Variants in CCL7 observed in about 807,000 individuals in gnomAD.
The protein encoded by CCL7 is C-C motif chemokine 7.
A neutral mutation model predicts 7.1 loss-of-function variants in CCL7; 8 were observed. That is an observed-to-expected ratio of 1.13 (90% CI 0.66 to 2.04). The LOEUF is 2.04. CCL7 is among the 30% of genes most tolerant of loss of function. The pLI is 0.00. For synonymous variants in CCL7, 46 were observed against 41.2 expected (o/e 1.12, Z -0.45); for missense variants, 134 against 113.6 (o/e 1.18, Z -0.82).
In CCL7 at chr17:34,271,883, T is replaced by C; in HGVS notation, c.*81T>C. 1.3e-6 allele frequency: 1 copy of C among 795,744 alleles called. No individual in the cohort carries two copies. The highest frequency in any genetic ancestry group is 2.1e-6 in the Non-Finnish European group (1 of 482,182). The allele number at this position is 795,744 out of a possible 1,614,324, so 49.3% of individuals were successfully genotyped here. On this transcript the variant is annotated 3_prime_UTR_variant, in exon 3 of 3. Coordinates refer to ENST00000378569, the MANE Select transcript of CCL7 (RefSeq NM_006273.4). The stretch of plus-strand genomic sequence containing the variant: ...ACCCTGTCCTTTCTCAGAGTGGTTC[T>C]GAGATTATTTTAATCTAATTCTAAG...
At chr17:34,271,613 A>T in intron 2 of CCL7, 84 bp from the exon 3 acceptor site, 1 of 858,980 alleles carries the variant, frequency 1.2e-6, no homozygotes, top group Non-Finnish European at 1.9e-6. Flanking sequence ...CTGATGGGCT[A>T]GACAGATTTC....
At chr17:34,271,645 C>G in intron 2 of CCL7, 52 bp from the exon 3 acceptor site, 1 of 1,225,358 alleles carries the variant, frequency 8.2e-7, no homozygotes, top group Non-Finnish European at 1.2e-6. Context: ...GTCACACTCC[C>G]AGGCTGAACC....
At chr17:34,271,396 A>G in intron 2 of CCL7, 133 bp downstream of exon 2, 1 of 751,056 alleles carries the variant, frequency 1.3e-6, no homozygotes, top group South Asian at 1.9e-5. Context: ...CTTATCCCAG[A>G]CATTTGCCAG....
rs1211541650 is a variant in CCL7 at position 34,271,734 on chromosome 17, C to A, written c.232C>A (p.Pro78Thr). 2 of 1,612,784 alleles carry A rather than the reference C, an allele frequency of 1.2e-6. No homozygotes were observed. The highest frequency in any genetic ancestry group is 4.5e-5 in the East Asian group (2 of 44,858). ...ACTGGACAAGGAGATCTGTGCTGAC[C>A]CCACACAGAAGTGGGTCCAGGACTT... ...TKLDKEICAD[P>T]TQKWVQDFMK... The change falls in exon 3 of 3, where the codon CCC becomes ACC. Residue 78 changes from proline (P) to threonine (T), a missense_variant. Coordinates refer to ENST00000378569, the MANE Select transcript of CCL7 (RefSeq NM_006273.4).
chr17:34,270,629 C>A (rs575780916), intron 1 of CCL7, among the ~76,000 whole-genome samples: 1 of 152,304 alleles, frequency 6.6e-6, no homozygotes, highest in East Asian at 1.9e-4. Context: ...GTTACCACTC[C>A]AGCTGCTTCC....
chr17:34,270,500 G>A (rs1259601519), intron 1 of CCL7, 134 bp downstream of exon 1: 1 of 711,276 alleles, frequency 1.4e-6, no homozygotes, highest in Admixed American at 2.8e-5. Context: ...TTAGAAAAAG[G>A]ATAAGGGGTG....
At chr17:34,271,284 C>T (rs374240808) in intron 2 of CCL7, 21 bp downstream of exon 2, 23 of 1,585,400 alleles carry the variant, frequency 1.5e-5, no homozygotes, top group Non-Finnish European at 1.9e-5. Context: ...GATGACCACC[C>T]ACCCCTCACA....
chr17:34,270,978 G>A (rs1908119052), intron 1 of CCL7, 168 bp from the exon 2 acceptor site: 1 of 1,411,420 alleles, frequency 7.1e-7, no homozygotes. Flanking sequence ...GTGAAAGGGA[G>A]TTTATGAAAT....
At position 34,271,719 on chromosome 17, in the gene CCL7, G is replaced by C. The variant is rs1283074853; in HGVS notation, c.217G>C (p.Glu73Gln). ...AVIFKTKLDK[E>Q]ICADPTQKWV... ...CAGCTTCAAGACCAAACTGGACAAG[G>C]AGATCTGTGCTGACCCCACACAGAA... The change falls in exon 3 of 3, where the codon GAG becomes CAG. Residue 73 changes from glutamate to glutamine, a missense_variant. Physicochemically the swap from Glu to Gln is conservative, Grantham distance 29. Coordinates refer to ENST00000378569, the MANE Select transcript of CCL7 (RefSeq NM_006273.4). 1 of 1,610,448 alleles carries C rather than the reference G, an allele frequency of 6.2e-7. No individual in the cohort carries two copies. The highest frequency in any genetic ancestry group is 2.2e-5 in the East Asian group (1 of 44,830).
At chr17:34,270,538 A>G (rs1229365600) in intron 1 of CCL7, among the ~76,000 whole-genome samples, 172 bp downstream of exon 1, 1 of 152,246 alleles carries the variant, frequency 6.6e-6, no homozygotes, top group Non-Finnish European at 1.5e-5. Flanking sequence ...GCTGTTGGGT[A>G]GAGCCTGAAC....
intron 1 of CCL7, among the ~76,000 whole-genome samples, chr17:34,270,583 T>G (rs1050494503): frequency 2.0e-5 from 3 of 152,236 alleles, no homozygotes; most frequent in Admixed American, 6.5e-5. Flanking sequence ...ATCCAGCTCC[T>G]TCTAGGATTC....
rs199820635 is a variant in CCL7 at position 34,270,284 on chromosome 17, C to T, written c.-7C>T. On this transcript the variant is annotated 5_prime_UTR_variant, in exon 1 of 3. Transcript: ENST00000378569. The stretch of plus-strand genomic sequence containing the variant: ...TCATGTGGAAGCCCATGCCCTCACC[C>T]TCCAACATGAAAGCCTCTGCAGCAC... The T allele has an allele frequency of 2.5e-6, 4 of 1,614,154 alleles. No individual in the cohort carries two copies. Among genetic ancestry groups the T allele is most frequent in the East Asian group, 2.2e-5 (1 of 44,872 alleles).
Position 34,271,825 on chromosome 17 carries a change from C to T in CCL7, c.*23C>T. 7.0e-7 allele frequency: 1 copy of T among 1,437,576 alleles called. No individual in the cohort carries two copies. The highest frequency in any genetic ancestry group is 2.3e-5 in the East Asian group (1 of 43,740). 89.1% of individuals were successfully genotyped at this position (1,437,576 alleles called of 1,614,324 possible). On this transcript the variant is annotated 3_prime_UTR_variant, in exon 3 of 3. Coordinates refer to ENST00000378569, the MANE Select transcript of CCL7 (RefSeq NM_006273.4). ...TGAACATTCATGACTGAACTGAAAA[C>T]AAGCCATGACTTGAGAAACAAATAA...
In CCL7 at chr17:34,271,242, A is replaced by T; in HGVS notation, c.173A>T (p.His58Leu). Residue 58 changes from histidine to leucine, a missense_variant, in exon 2 of 3, where the codon CAC (histidine) becomes CTC (leucine). Transcript: ENST00000378569. ...LESYRRTTSS[H>L]CPREAVIFKT... is the part of the protein sequence containing the mutation. The stretch of plus-strand genomic sequence containing the variant: ...AGCTACAGAAGGACCACCAGTAGCC[A>T]CTGTCCCCGGGAAGCTGTAATGTAT... 1 of 1,613,996 alleles carries T rather than the reference A, an allele frequency of 6.2e-7. No homozygotes were observed. The highest frequency in any genetic ancestry group is 8.5e-7 in the Non-Finnish European group (1 of 1,179,902).
chr17:34,271,258 T>A lies in CCL7; in HGVS notation c.189T>A (p.Ala63=). 1 of 1,613,616 alleles carries A rather than the reference T, an allele frequency of 6.2e-7. No homozygotes were observed. Among genetic ancestry groups the A allele is most frequent in the South Asian group, 1.1e-5 (1 of 91,028 alleles). The part of the protein sequence containing the change: ...RTTSSHCPRE[A]VIFKTKLDKE... ...CCAGTAGCCACTGTCCCCGGGAAGC[T>A]GTAATGTATGTGGACGATGACCACC... The change falls in exon 2 of 3, where the codon GCT becomes GCA. Residue 63 remains alanine (A), a synonymous_variant. Transcript: ENST00000378569.
intron 1 of CCL7, among the ~76,000 whole-genome samples, chr17:34,270,640 A>G (rs1472246583): frequency 6.6e-6 from 1 of 152,166 alleles, no homozygotes; most frequent in Non-Finnish European, 1.5e-5. Context: ...AGCTGCTTCC[A>G]GCAGAATTTG....
At chr17:34,270,576 C>T (rs1233667042) in intron 1 of CCL7, among the ~76,000 whole-genome samples, 2 of 152,242 alleles carry the variant, frequency 1.3e-5, no homozygotes, top group African/African-American at 4.8e-5. Context: ...ACCCCAAATC[C>T]AGCTCCTTCT....
rs1450585759 is a variant in CCL7 at position 34,271,878 on chromosome 17, G to T, written c.*76G>T. On this transcript the variant is annotated 3_prime_UTR_variant, in exon 3 of 3. Coordinates refer to ENST00000378569, the MANE Select transcript of CCL7 (RefSeq NM_006273.4). ...TGTATACCCTGTCCTTTCTCAGAGTGGTTCTGAGATTATTTTAATCTAATT... is the reference window on the plus strand; with the variant it reads ...TGTATACCCTGTCCTTTCTCAGAGTTGTTCTGAGATTATTTTAATCTAATT... The T allele has an allele frequency of 4.9e-6, 4 of 824,682 alleles. No homozygotes were observed. The highest frequency in any genetic ancestry group is 2.7e-5 in the East Asian group (1 of 37,688). 51.1% of individuals were successfully genotyped at this position (824,682 alleles called of 1,614,324 possible). A position where few individuals can be genotyped will look rare whatever the true frequency, so the allele number is the denominator to read the frequency against.
rs1908080361 is a variant in CCL7, at chr17:34,270,357, G to A, written c.67G>A (p.Ala23Thr). The change falls in exon 1 of 3, where the codon GCT becomes ACT. Residue 23 changes from alanine to threonine, a missense_variant. Ala to Thr is a moderately conservative substitution (Grantham distance 58). Transcript: ENST00000378569. The stretch of plus-strand genomic sequence containing the variant: ...AGCTGCTTTCAGCCCCCAGGGGCTT[G>A]CTCAGCCAGGTAAGGTCCCTCTCTC... ...TAAAFSPQGL[A>T]QPVGINTSTT... 3 of 1,613,910 alleles carry A rather than the reference G, an allele frequency of 1.9e-6. No homozygotes were observed. Among genetic ancestry groups the A allele is most frequent in the African/African-American group, 2.7e-5 (2 of 74,942 alleles).
Sources: gnomAD v4.1 joint callset for allele counts (sites outside exome capture counted in the v4.1 genomes callset) on GRCh38, gnomAD v4.1.1 for gene constraint, MANE v1.5 for transcripts, NCBI Gene and HGNC (gene_info 2026-07-23, HGNC 2026-07-21) for gene names.